Variants in FAM163B observed in about 807,000 individuals in gnomAD.
FAM163B encodes protein FAM163B.
Under a neutral mutation model 7.6 loss-of-function variants are expected in FAM163B, and 4 were observed. The observed-to-expected ratio is 0.52, with a 90% CI of 0.26 to 1.20. The LOEUF is 1.20. Ranked by LOEUF, FAM163B falls within the 50% of genes most tolerant of loss-of-function variation. FAM163B has a pLI of 0.14. For missense variants in FAM163B, 250 were observed against 243.0 expected, an observed-to-expected ratio of 1.03 and a Z score of -0.19; for synonymous variants, 120 against 111.6, an observed-to-expected ratio of 1.07 and a Z score of -0.47.
intron 2 of FAM163B, 91 bp downstream of exon 2, chr9:133,580,040 C>G: frequency 9.1e-7 from 1 of 1,103,802 alleles, no homozygotes; most frequent in Non-Finnish European, 1.3e-6. Flanking sequence ...CGGGCCGTGA[C>G]CCTTGTGACC....
intron 1 of FAM163B, among the ~76,000 whole-genome samples, chr9:133,590,080 T>TTCCCC (rs1831519570): frequency 4.5e-5 from 1 of 22,002 alleles, no homozygotes; most frequent in Non-Finnish European, 8.3e-5. Flanking sequence ...TCCCTTCCCC[T>TTCCCC]TCCCCTTCCC....
At chr9:133,585,073 CAG>C (rs1481468123) in intron 1 of FAM163B, among the ~76,000 whole-genome samples, 1 of 152,266 alleles carries the variant, frequency 6.6e-6, no homozygotes, top group African/African-American at 2.4e-5. Context: ...CCCCAGTCCA[CAG>C]AGTCTGTGGC....
chr9:133,586,289 G>C lies in FAM163B; in HGVS notation c.-23-6043C>G, dbSNP rs911670282. 9 of 152,470 alleles carry C rather than the reference G, an allele frequency of 5.9e-5. No homozygotes were observed. The East Asian group carries it at 1.7e-3, about 29-fold the overall frequency. The allele number at this position is 152,470 out of a possible 1,614,324, so 9.4% of individuals were successfully genotyped here. A position where few individuals can be genotyped will look rare whatever the true frequency, so the allele number is the denominator to read the frequency against. ...CAGCTCAGCTGCGGGGGGAAGAGGG[G>C]GCAGTGAATCAGGCCCCTGCCCACC... On this transcript the variant is annotated intron_variant, in intron 1 of 2. Transcript: ENST00000673969.
chr9:133,588,629 T>C (rs28545509), intron 1 of FAM163B, among the ~76,000 whole-genome samples: 7,700 of 47,136 alleles, frequency 0.16, 65 homozygotes, highest in South Asian at 0.21. Flanking sequence ...ATCTAGCATG[T>C]TGAGGGATCT....
intron 1 of FAM163B, among the ~76,000 whole-genome samples, chr9:133,599,721 ATG>A (rs10540833): frequency 0.38 from 56,765 of 149,862 alleles, 11,238 homozygotes; most frequent in African/African-American, 0.54. Flanking sequence ...GAGCATGTGC[ATG>A]TGTGTCTGTG....
rs1482591423 is a variant in FAM163B, at chr9:133,577,515, GTTTT to G, written c.*1503_*1506del. On this transcript the variant is annotated 3_prime_UTR_variant, in exon 3 of 3. Transcript: ENST00000673969. ...GACGCCTCTGGAAACTGGCCATTTC[GTTTT>G]TGAGTAAGGGCAAGAAGTGTCCTGC... Among the ~76,000 whole-genome samples the G allele has an allele frequency of 1.3e-5, 2 of 152,250 alleles. No individual in the cohort carries two copies. Among genetic ancestry groups the G allele is most frequent in the Non-Finnish European group, 2.9e-5 (2 of 68,050 alleles).
chr9:133,598,669 G>A (rs1350234473), intron 1 of FAM163B, among the ~76,000 whole-genome samples: 1 of 152,138 alleles, frequency 6.6e-6, no homozygotes, highest in Non-Finnish European at 1.5e-5. Flanking sequence ...TGGTGAATTA[G>A]AATAACGCAC....
chr9:133,582,239 C>T (rs1831367034), intron 1 of FAM163B, among the ~76,000 whole-genome samples: 1 of 152,242 alleles, frequency 6.6e-6, no homozygotes. Context: ...CGCGTGCCTA[C>T]TGGTCCCAGC....
At chr9:133,581,506 C>G (rs1200882520) in intron 1 of FAM163B, among the ~76,000 whole-genome samples, 1 of 152,046 alleles carries the variant, frequency 6.6e-6, no homozygotes, top group African/African-American at 2.4e-5. Flanking sequence ...AAAAAATTAC[C>G]CAGCCTACGT....
intron 1 of FAM163B, among the ~76,000 whole-genome samples, chr9:133,585,575 C>A (rs1831423151): frequency 6.6e-6 from 1 of 152,244 alleles, no homozygotes; most frequent in African/African-American, 2.4e-5. Flanking sequence ...GTGGTAGGAG[C>A]CAGGGAGAAG....
intron 1 of FAM163B, among the ~76,000 whole-genome samples, chr9:133,587,046 A>G (rs2131229156): frequency 6.6e-6 from 1 of 152,298 alleles, no homozygotes; most frequent in Non-Finnish European, 1.5e-5. Context: ...CATATTTTCT[A>G]GGGAGTAAAC....
chr9:133,600,659 G>T lies in FAM163B; in HGVS notation c.-24+8418C>A, dbSNP rs1831710343. Among the ~76,000 whole-genome samples the T allele has an allele frequency of 6.6e-6, 1 of 152,154 alleles. No homozygotes were observed. Among genetic ancestry groups the T allele is most frequent in the Non-Finnish European group, 1.5e-5 (1 of 68,016 alleles). ...AAGCCCAAGACTCGTGGGGCTTGAG[G>T]AGAGGTTGGTCTAAGCTCCTGGAGT... On this transcript the variant is annotated intron_variant, in intron 1 of 2. Transcript: ENST00000673969. The surrounding 1 kb of genome is among the most constrained non-coding windows in gnomAD (Gnocchi z 4.9).
chr9:133,599,620 G>C (rs995407919), intron 1 of FAM163B, among the ~76,000 whole-genome samples: 1 of 151,426 alleles, frequency 6.6e-6, no homozygotes, highest in African/African-American at 2.4e-5. Context: ...GCATGTATCT[G>C]CATGCATGTA....
intron 2 of FAM163B, among the ~76,000 whole-genome samples, chr9:133,579,788 T>A (rs1208793900): frequency 6.6e-6 from 1 of 152,084 alleles, no homozygotes; most frequent in Non-Finnish European, 1.5e-5. Context: ...CCCCGATGGC[T>A]CCCCCTCATC....
At chr9:133,591,714 A>G (rs1831555539) in intron 1 of FAM163B, among the ~76,000 whole-genome samples, 1 of 152,302 alleles carries the variant, frequency 6.6e-6, no homozygotes, top group East Asian at 1.9e-4. Context: ...GGGGGAGCAC[A>G]CTGGGAGAAC....
chr9:133,608,077 G>A (rs191283370), intron 1 of FAM163B, among the ~76,000 whole-genome samples: 46 of 152,342 alleles, frequency 3.0e-4, no homozygotes, highest in African/African-American at 9.9e-4. Flanking sequence ...CCTGAAGAGC[G>A]TGAGTTGGCA....
intron 1 of FAM163B, among the ~76,000 whole-genome samples, chr9:133,608,454 C>CCA (rs1564199874): frequency 6.6e-6 from 1 of 151,960 alleles, no homozygotes; most frequent in African/African-American, 2.4e-5. Context: ...TAGGCAACCC[C>CCA]CCACCTGTCA....
At chr9:133,608,002 C>G (rs934172348) in intron 1 of FAM163B, among the ~76,000 whole-genome samples, 1 of 152,168 alleles carries the variant, frequency 6.6e-6, no homozygotes, top group African/African-American at 2.4e-5. Flanking sequence ...GGAAGATGGG[C>G]AAAGGTGCTT....
At chr9:133,589,253 C>T (rs1831498675) in intron 1 of FAM163B, among the ~76,000 whole-genome samples, 1 of 152,158 alleles carries the variant, frequency 6.6e-6, no homozygotes, top group Non-Finnish European at 1.5e-5. Flanking sequence ...AGCACAGGAT[C>T]CTGTGCCAAG....
Sources: gnomAD v4.1 joint callset for allele counts (sites outside exome capture counted in the v4.1 genomes callset) on GRCh38, gnomAD v4.1.1 for gene constraint, Gnocchi (gnomAD v3.1) non-coding constraint, MANE v1.5 for transcripts, NCBI Gene and HGNC (gene_info 2026-07-23, HGNC 2026-07-21) for gene names.